Variants in TLL1 observed in about 807,000 individuals in gnomAD.
TLL1 encodes the protein tolloid like 1.
Under a neutral mutation model 128.2 loss-of-function variants are expected in TLL1, and 49 were observed. The ratio of observed to expected loss-of-function variants is 0.38; its 90% CI spans 0.30 to 0.48. The LOEUF is 0.48. TLL1 is among the 20% of genes least tolerant of loss of function. The probability of loss-of-function intolerance (pLI) is 0.96; values close to 1 mark genes in which losing one functional copy is unlikely to be tolerated. For missense variants in TLL1, 1,123 were observed against 1,242.0 expected (o/e 0.90, Z 1.44); for synonymous variants, 454 against 418.8 (o/e 1.08, Z -1.03).
Position 166,014,541 on chromosome 4 carries a change from A to G in TLL1, c.1023A>G (p.Arg341=). 1.9e-6 allele frequency: 3 copies of G among 1,612,176 alleles called. No homozygotes were observed. Among genetic ancestry groups the G allele is most frequent in the Non-Finnish European group, 2.5e-6 (3 of 1,178,582 alleles). The change falls in exon 8 of 21, where the codon AGA becomes AGG. Residue 341 remains arginine (R), a synonymous_variant. Coordinates refer to ENST00000061240, the MANE Select transcript of TLL1 (RefSeq NM_012464.5). ...GCAAAGGAGATATCGCACAGGCAAG[A>G]AAGCTGTATAGATGTCCAGGTATTG... ...RLSKGDIAQA[R]KLYRCPACGE... is the part of the protein sequence containing the mutation.
In TLL1 at chr4:166,014,470, G is replaced by A. The variant is rs1158673730; in HGVS notation, c.952G>A (p.Asp318Asn). The change falls in exon 8 of 21, where the codon GAT becomes AAT. Residue 318 changes from aspartate (D) to asparagine (N), a missense_variant. Transcript: ENST00000061240. Reference protein sequence around the residue: ...MFLDTILPSRDDNGIRPAIGQ... With the variant: ...MFLDTILPSRNDNGIRPAIGQ... ...TCTGGATACCATTCTCCCCTCCCGT[G>A]ATGATAATGGCATACGTCCTGCAAT... 1 of 1,612,296 alleles carries A rather than the reference G, an allele frequency of 6.2e-7. No individual in the cohort carries two copies. Among genetic ancestry groups the A allele is most frequent in the Admixed American group, 1.7e-5 (1 of 59,900 alleles).
At chr4:166,001,985 A>AT (rs1180471434) in intron 5 of TLL1, among the ~76,000 whole-genome samples, 1 of 152,178 alleles carries the variant, frequency 6.6e-6, no homozygotes, top group Non-Finnish European at 1.5e-5. Context: ...AATATCATTC[A>AT]TTATACTACT....
At chr4:166,068,269 A>T (rs1284236902) in intron 16 of TLL1, among the ~76,000 whole-genome samples, 1 of 151,796 alleles carries the variant, frequency 6.6e-6, no homozygotes, top group Non-Finnish European at 1.5e-5. Flanking sequence ...TTATCAAGAG[A>T]TGGCAGAAAA....
intron 1 of TLL1, among the ~76,000 whole-genome samples, chr4:165,899,744 G>A (rs1034201748): frequency 9.2e-5 from 14 of 152,096 alleles, no homozygotes; most frequent in African/African-American, 3.4e-4. Flanking sequence ...AGGTCCACTT[G>A]GTCCAGAGCT....
chr4:166,087,124 A>T (rs914849312), intron 18 of TLL1, among the ~76,000 whole-genome samples: 1 of 152,126 alleles, frequency 6.6e-6, no homozygotes, highest in Non-Finnish European at 1.5e-5. Flanking sequence ...TTTTGAATTA[A>T]TGTTCATTCA....
At chr4:165,928,569 A>G (rs1372459020) in intron 1 of TLL1, among the ~76,000 whole-genome samples, 1 of 152,236 alleles carries the variant, frequency 6.6e-6, no homozygotes, top group African/African-American at 2.4e-5. Flanking sequence ...ATGTTCTGGA[A>G]TGTTGAAAGC....
At chr4:165,919,130 C>T (rs1470146670) in intron 1 of TLL1, among the ~76,000 whole-genome samples, 1 of 151,744 alleles carries the variant, frequency 6.6e-6, no homozygotes, top group Non-Finnish European at 1.5e-5. Context: ...ACCTGTAGTC[C>T]CAGCAGTTTG....
chr4:165,911,903 TCTCG>T (rs1355767741), intron 1 of TLL1, among the ~76,000 whole-genome samples: 1 of 152,052 alleles, frequency 6.6e-6, no homozygotes, highest in Non-Finnish European at 1.5e-5. Flanking sequence ...TGAGACAGAG[TCTCG>T]CTCTGTCGCC....
rs1416606396 is a variant in TLL1 at position 166,039,961 on chromosome 4, GAA to G, written c.1261+521_1261+522del. Among the ~76,000 whole-genome samples the G allele has an allele frequency of 2.6e-5, 4 of 152,134 alleles. 1 individual carries two copies. The highest frequency in any genetic ancestry group is 6.6e-5 in the Admixed American group (1 of 15,266). ...TTCTCAGAGAGTTTTCTGTGGCTGA[GAA>G]GAGACATTTGTAGTTTGTGTCATAA... On this transcript the variant is annotated intron_variant, in intron 10 of 20. Transcript: ENST00000061240.
intron 1 of TLL1, among the ~76,000 whole-genome samples, chr4:165,949,004 T>C (rs753987776): frequency 3.3e-5 from 5 of 152,164 alleles, no homozygotes; most frequent in Non-Finnish European, 5.9e-5. Flanking sequence ...AATTAAGATG[T>C]AATCACCTGA....
intron 1 of TLL1, among the ~76,000 whole-genome samples, chr4:165,942,841 A>G (rs1279628727): frequency 6.6e-6 from 1 of 152,030 alleles, no homozygotes; most frequent in Non-Finnish European, 1.5e-5. Flanking sequence ...CTTAGATTAT[A>G]TGGAGACTTT....
intron 12 of TLL1, among the ~76,000 whole-genome samples, chr4:166,046,030 A>T (rs745326013): frequency 1.3e-5 from 2 of 152,124 alleles, no homozygotes; most frequent in African/African-American, 2.4e-5. Flanking sequence ...TGTCTCTCTC[A>T]CTAGAATATG....
intron 18 of TLL1, among the ~76,000 whole-genome samples, chr4:166,081,550 C>T (rs1741283195): frequency 6.6e-6 from 1 of 152,126 alleles, no homozygotes; most frequent in Admixed American, 6.5e-5. Flanking sequence ...ATCCTCTTCT[C>T]CTCATCCACA....
chr4:166,025,476 CA>C (rs759055678), intron 9 of TLL1, 45 bp downstream of exon 9: 1 of 1,392,424 alleles, frequency 7.2e-7, no homozygotes, highest in Non-Finnish European at 1.0e-6. Context: ...TATATAAGTA[CA>C]AAAGTTCATC....
chr4:166,059,984 G>A, intron 14 of TLL1, 44 bp from the exon 15 acceptor site: 6 of 1,609,764 alleles, frequency 3.7e-6, no homozygotes, highest in Non-Finnish European at 5.1e-6. Flanking sequence ...AGAAGTGGGT[G>A]ACTTCATGGG....
At chr4:166,007,099 G>A (rs1737475607) in intron 6 of TLL1, among the ~76,000 whole-genome samples, 1 of 151,562 alleles carries the variant, frequency 6.6e-6, no homozygotes, top group African/African-American at 2.4e-5. Flanking sequence ...GATATGATTT[G>A]TACAATCTTT....
chr4:165,910,313 T>G (rs1732470857), intron 1 of TLL1, among the ~76,000 whole-genome samples: 1 of 152,206 alleles, frequency 6.6e-6, no homozygotes, highest in Non-Finnish European at 1.5e-5. Context: ...ATGGAGGGTT[T>G]TTTACTTTCC....
Position 166,056,428 on chromosome 4 carries a change from A to G in TLL1, c.1721-756A>G, listed in dbSNP as rs148516302. 2.6e-3 allele frequency among the ~76,000 whole-genome samples: 398 copies of G among 151,706 alleles called. 1 individual carries two copies. The highest frequency in any genetic ancestry group is 8.4e-3 in the African/African-American group (347 of 41,458). On this transcript the variant is annotated intron_variant, in intron 13 of 20. Coordinates refer to ENST00000061240, the MANE Select transcript of TLL1 (RefSeq NM_012464.5). ...TACTTTATGTATATTTTGGGTTTCA[A>G]TATACAATTATACAGTATGTATATT...
chr4:165,981,323 TG>T (rs1209370603), intron 1 of TLL1, among the ~76,000 whole-genome samples: 2 of 152,132 alleles, frequency 1.3e-5, no homozygotes, highest in African/African-American at 4.8e-5. Context: ...GTGGATTTTT[TG>T]TTTGTTTTCC....
Sources: allele counts gnomAD v4.1 joint callset (sites outside exome capture counted in the v4.1 genomes callset), GRCh38; gene constraint gnomAD v4.1.1; transcripts MANE v1.5; gene names NCBI Gene and HGNC (gene_info 2026-07-23, HGNC 2026-07-21).